The following PC variants were observed in gnomAD, a reference collection of about 807,000 sequenced individuals.
PC encodes pyruvate carboxylase, mitochondrial.
PC carries 46 observed loss-of-function variants against 107.8 expected under a neutral mutation model. The ratio of observed to expected loss-of-function variants is 0.43; its 90% CI spans 0.34 to 0.55. PC has a LOEUF of 0.55. Ranked by LOEUF, PC falls within the 20% of genes least tolerant of loss-of-function variation. PC has a pLI of 0.04. For missense variants in PC, 1,241 were observed against 1,643.1 expected (o/e 0.76, Z 4.23); for synonymous variants, 662 against 684.7 (o/e 0.97, Z 0.52).
intron 3 of PC, among the ~76,000 whole-genome samples, chr11:66,923,179 G>C (rs577962531): frequency 6.6e-6 from 1 of 152,014 alleles, no homozygotes; most frequent in African/African-American, 2.4e-5. Context: ...ATCCTAACAC[G>C]ATGAAACCCT....
chr11:66,917,392 T>A (rs1310984283), intron 3 of PC, among the ~76,000 whole-genome samples: 1 of 152,104 alleles, frequency 6.6e-6, no homozygotes, highest in Non-Finnish European at 1.5e-5. Context: ...GAAATGTATA[T>A]TAAAGCACTC....
Position 66,852,605 on chromosome 11 carries a change from A to G in PC, c.1659T>C (p.Phe553=). The part of the protein sequence containing the change: ...DILLREGPEG[F]ARAVRNHPGL... ...CCGGGTGGTTCCGCACAGCTCGAGC[A>G]AAGCCCTCAGGCCCCTCTCGCAGCA... Residue 553 remains phenylalanine, a synonymous_variant, in exon 15 of 23, where the codon TTT becomes TTC. Coordinates refer to ENST00000393960, the MANE Select transcript of PC (RefSeq NM_001040716.2). This position sits in a 1 kb window ranked among gnomAD's most constrained non-coding sequence, Gnocchi z 4.7. 3 of 1,614,040 alleles carry G rather than the reference A, an allele frequency of 1.9e-6. No homozygotes were observed. Among genetic ancestry groups the G allele is most frequent in the Non-Finnish European group, 2.5e-6 (3 of 1,180,004 alleles).
At position 66,852,097 on chromosome 11, in the gene PC, G is replaced by A; in HGVS notation, c.1826-151C>T. The A allele has an allele frequency of 2.5e-6, 2 of 814,194 alleles. No individual in the cohort carries two copies. The highest frequency in any genetic ancestry group is 4.0e-6 in the Non-Finnish European group (2 of 503,312). 50.4% of individuals were successfully genotyped at this position (814,194 alleles called of 1,614,324 possible). ...TGTGTTCCCTGCTCCAACCCCCACAGATTTTTCCCTTGTCTGATCTCTAAG... is the reference window on the plus strand; with the variant it reads ...TGTGTTCCCTGCTCCAACCCCCACAAATTTTTCCCTTGTCTGATCTCTAAG... On this transcript the variant is annotated intron_variant, in intron 15 of 22. Transcript: ENST00000393960. This position sits in a 1 kb window ranked among gnomAD's most constrained non-coding sequence, Gnocchi z 4.7.
Position 66,857,973 on chromosome 11 carries a change from C to G in PC, c.1369-4590G>C. On this transcript the variant is annotated intron_variant, in intron 12 of 22. Transcript: ENST00000393960. This position sits in a 1 kb window ranked among gnomAD's most constrained non-coding sequence, Gnocchi z 7.1. ...CCGCAACATGACGGGACTGGTGGAC[C>G]TGACACTGTCTCGCAATGCCATCAC... is the stretch of plus-strand genomic sequence containing the variant. 6.2e-7 allele frequency: 1 copy of G among 1,612,576 alleles called. No individual in the cohort carries two copies. Among genetic ancestry groups the G allele is most frequent in the Non-Finnish European group, 8.5e-7 (1 of 1,179,940 alleles).
Position 66,946,339 on chromosome 11 carries a change from T to A in PC, c.-1+6091A>T, listed in dbSNP as rs75975476. Among the ~76,000 whole-genome samples the A allele has an allele frequency of 5.4e-3, 820 of 151,260 alleles. 6 individuals are homozygous for A. The highest frequency in any genetic ancestry group is 0.019 in the African/African-American group (768 of 41,216). ...TGAAATCCCACCTCTACAAAGAAAA[T>A]TTTTTAAAAGGCCAGGTGCAGTGGC... On this transcript the variant is annotated intron_variant, in intron 3 of 22. Transcript: ENST00000393960.
chr11:66,896,308 G>GCCTCAAGTGAT (rs1360268485), intron 3 of PC, among the ~76,000 whole-genome samples: 1 of 152,106 alleles, frequency 6.6e-6, no homozygotes, highest in Non-Finnish European at 1.5e-5. Context: ...TGAACTCCTG[G>GCCTCAAGTGAT]CCTCAAGTGA....
intron 3 of PC, among the ~76,000 whole-genome samples, chr11:66,947,066 G>A (rs1226397866): frequency 1.3e-5 from 2 of 152,078 alleles, no homozygotes; most frequent in Admixed American, 1.3e-4. Flanking sequence ...CTACAACCAC[G>A]TCAGAAAATT....
At chr11:66,906,931 G>C (rs11825919) in intron 3 of PC, among the ~76,000 whole-genome samples, 2,137 of 152,306 alleles carry the variant, frequency 0.014, 47 homozygotes, top group African/African-American at 0.049. Context: ...GGTCTCACAT[G>C]TTGAACAGAG....
intron 3 of PC, among the ~76,000 whole-genome samples, chr11:66,886,111 G>C (rs1215361694): frequency 6.6e-6 from 1 of 152,018 alleles, no homozygotes; most frequent in East Asian, 1.9e-4. Context: ...GGCCACGCCT[G>C]CGTGGAGAGC....
At chr11:66,877,111 C>A (rs188413128) in intron 3 of PC, among the ~76,000 whole-genome samples, 1 of 152,310 alleles carries the variant, frequency 6.6e-6, no homozygotes, top group Admixed American at 6.5e-5. Context: ...CCCGGCCAGG[C>A]GCGGTGGCTC....
At chr11:66,878,244 T>C (rs1455863792) in intron 3 of PC, among the ~76,000 whole-genome samples, 1 of 152,044 alleles carries the variant, frequency 6.6e-6, no homozygotes. Flanking sequence ...TCAAGCTTTT[T>C]CCAGGGAGCC....
At chr11:66,949,282 C>T (rs1382864157) in intron 3 of PC, among the ~76,000 whole-genome samples, 1 of 151,866 alleles carries the variant, frequency 6.6e-6, no homozygotes. Flanking sequence ...GTGAGCCACC[C>T]ACCATGCCCG....
At chr11:66,941,178 G>C (rs1368331291) in intron 3 of PC, among the ~76,000 whole-genome samples, 3 of 152,126 alleles carry the variant, frequency 2.0e-5, no homozygotes, top group East Asian at 1.9e-4. Flanking sequence ...CATTGGGATG[G>C]CTACTATCAA....
chr11:66,884,244 CAAA>C (rs533552926), intron 3 of PC, among the ~76,000 whole-genome samples: 5 of 86,476 alleles, frequency 5.8e-5, no homozygotes, highest in Admixed American at 1.3e-4. Flanking sequence ...AACTCCATCT[CAAA>C]AAAAAAAAAA....
chr11:66,861,381 C>A (rs941550465), intron 12 of PC, among the ~76,000 whole-genome samples: 5 of 152,242 alleles, frequency 3.3e-5, no homozygotes, highest in Non-Finnish European at 5.9e-5. Flanking sequence ...ACGGCAAACA[C>A]GCTGCACAGA....
chr11:66,941,552 C>T (rs535117060), intron 3 of PC, among the ~76,000 whole-genome samples: 46 of 152,150 alleles, frequency 3.0e-4, no homozygotes, highest in Admixed American at 5.9e-4. Context: ...AGTGCAGTGG[C>T]GCCATCTCGG....
Position 66,866,413 on chromosome 11 carries a change from A to C in PC, c.1023-64T>G. On this transcript the variant is annotated intron_variant, in intron 10 of 22. Transcript: ENST00000393960. This position sits in a 1 kb window ranked among gnomAD's most constrained non-coding sequence, Gnocchi z 5.4. ...AAGGGGGAAACATGAGGCGGGGGAT[A>C]GACGAGGGGCACCGCAGCCAGTGGG... is the stretch of plus-strand genomic sequence containing the variant. 2 of 1,201,806 alleles carry C rather than the reference A, an allele frequency of 1.7e-6. No homozygotes were observed. The highest frequency in any genetic ancestry group is 2.4e-6 in the Non-Finnish European group (2 of 830,306). 74.4% of individuals were successfully genotyped at this position (1,201,806 alleles called of 1,614,324 possible).
At chr11:66,880,529 G>A (rs1947150699) in intron 3 of PC, among the ~76,000 whole-genome samples, 1 of 152,230 alleles carries the variant, frequency 6.6e-6, no homozygotes, top group Non-Finnish European at 1.5e-5. Context: ...ACCCCCAGAA[G>A]CCTTGCCTCT....
At chr11:66,868,820 C>G (rs907594493) in intron 10 of PC, 26 bp downstream of exon 10, 2 of 1,576,884 alleles carry the variant, frequency 1.3e-6, no homozygotes, top group Non-Finnish European at 1.7e-6. Context: ...CCGCGCCTCC[C>G]GCCCCGCCTG....
Sources: allele counts gnomAD v4.1 joint callset (sites outside exome capture counted in the v4.1 genomes callset), GRCh38; gene constraint gnomAD v4.1.1; non-coding constraint Gnocchi (gnomAD v3.1); transcripts MANE v1.5; gene names NCBI Gene and HGNC (gene_info 2026-07-23, HGNC 2026-07-21).